KDM4C: variants seen among roughly 807,000 people sequenced by gnomAD.
The protein encoded by KDM4C is lysine demethylase 4C.
KDM4C carries 81 observed loss-of-function variants against 129.3 expected under a neutral mutation model. The observed-to-expected ratio is 0.63, with a 90% CI of 0.52 to 0.75. KDM4C has a LOEUF of 0.75. Among genes scored for constraint, KDM4C ranks in the 30% least tolerant of loss-of-function variants. The pLI is 0.00. For synonymous variants in KDM4C, 573 were observed against 456.1 expected (o/e 1.26, Z -3.26); for missense variants, 1,457 against 1,304.0 (o/e 1.12, Z -1.81).
Position 7,000,193 on chromosome 9 carries a change from G to C in KDM4C, c.1786+9669G>C, listed in dbSNP as rs1243205719. On this transcript the variant is annotated intron_variant, in intron 12 of 21. Transcript: ENST00000381309. The stretch of plus-strand genomic sequence containing the variant: ...TTATTTCTGTCAGTAAATTCCACTG[G>C]AAGTCCCAGTGGCGTTGATTTTTAC... Among the ~76,000 whole-genome samples, 14 of 152,108 alleles carry C rather than the reference G, an allele frequency of 9.2e-5. 1 individual carries two copies. The highest frequency in any genetic ancestry group is 9.2e-4 in the Admixed American group (14 of 15,276).
intron 15 of KDM4C, among the ~76,000 whole-genome samples, chr9:7,030,229 G>A (rs188248659): frequency 2.6e-3 from 396 of 152,174 alleles, no homozygotes; most frequent in Non-Finnish European, 3.0e-3. Flanking sequence ...CTTACTCATT[G>A]CATTTTTTAA....
rs555990256 is a variant in KDM4C, at chr9:7,172,088, C to T, written c.2994+2198C>T. On this transcript the variant is annotated intron_variant, in intron 21 of 21. Coordinates refer to ENST00000381309, the MANE Select transcript of KDM4C (RefSeq NM_015061.6). ...GTCCATGATTATTACTATTTTTTTTCCAGTTGGCAAAACAAATCTAATTGG... is the reference window on the plus strand; with the variant it reads ...GTCCATGATTATTACTATTTTTTTTTCAGTTGGCAAAACAAATCTAATTGG... 3.3e-5 allele frequency among the ~76,000 whole-genome samples: 5 copies of T among 151,192 alleles called. No individual in the cohort carries two copies. In the East Asian group the frequency reaches 9.7e-4, roughly 29 times the overall value.
At chr9:6,792,624 T>C (rs1353278541) in intron 1 of KDM4C, among the ~76,000 whole-genome samples, 1 of 152,106 alleles carries the variant, frequency 6.6e-6, no homozygotes, top group Non-Finnish European at 1.5e-5. Context: ...CCTGACCTTG[T>C]GATCTGCCCG....
chr9:7,099,837 A>G (rs1355843249), intron 17 of KDM4C, among the ~76,000 whole-genome samples: 1 of 152,216 alleles, frequency 6.6e-6, no homozygotes, highest in Admixed American at 6.5e-5. Flanking sequence ...AGTGCTCTCT[A>G]ACCTTCTTTC....
chr9:6,824,228 T>G (rs1386751256), intron 4 of KDM4C, among the ~76,000 whole-genome samples: 1 of 152,270 alleles, frequency 6.6e-6, no homozygotes, highest in Non-Finnish European at 1.5e-5. Context: ...TGGCTATTTC[T>G]TCTGCAGTAG....
At chr9:7,067,156 C>A (rs777445315) in intron 17 of KDM4C, among the ~76,000 whole-genome samples, 1 of 152,314 alleles carries the variant, frequency 6.6e-6, no homozygotes, top group Non-Finnish European at 1.5e-5. Flanking sequence ...TGGGCAATCA[C>A]CATTTAATTT....
chr9:6,980,451 G>C (rs535285704), intron 8 of KDM4C, among the ~76,000 whole-genome samples: 2 of 152,088 alleles, frequency 1.3e-5, no homozygotes, highest in Admixed American at 6.5e-5. Flanking sequence ...ATGAGAGTTC[G>C]TTAATAACCA....
intron 8 of KDM4C, among the ~76,000 whole-genome samples, chr9:6,949,441 C>T (rs1431092337): frequency 1.3e-5 from 2 of 152,276 alleles, no homozygotes; most frequent in East Asian, 1.9e-4. Context: ...GACGGGGTGG[C>T]GGCTGGGCAG....
Position 7,165,355 on chromosome 9 carries a change from C to G in KDM4C, c.2899C>G (p.Gln967Glu). The change falls in exon 20 of 22, where the codon CAG (glutamine) becomes GAG (glutamate). Residue 967 changes from glutamine (Q) to glutamate (E), a missense_variant and splice_region_variant. Physicochemically the swap from Gln to Glu is conservative, Grantham distance 29. Transcript: ENST00000381309. ...YFGSNIAHMY[Q>E]VEFEDGSQIA... ...TGGATCAAATATTGCCCACATGTAC[C>G]AGGTGGGTTCTTCCTTCTCTGTGAT... 1 of 1,613,722 alleles carries G rather than the reference C, an allele frequency of 6.2e-7. No individual in the cohort carries two copies. Among genetic ancestry groups the G allele is most frequent in the South Asian group, 1.1e-5 (1 of 90,998 alleles).
intron 1 of KDM4C, among the ~76,000 whole-genome samples, chr9:6,778,805 G>T (rs1823660565): frequency 1.5e-5 from 2 of 130,984 alleles, no homozygotes; most frequent in African/African-American, 6.1e-5. Context: ...TCTAGGTGGA[G>T]ATTTGGTGCC....
At chr9:7,116,442 A>G (rs77776169) in intron 18 of KDM4C, among the ~76,000 whole-genome samples, 4,797 of 103,702 alleles carry the variant, frequency 0.046, 147 homozygotes, top group East Asian at 0.25. Context: ...GGTGATCAAG[A>G]ACAGGAGGGC....
intron 17 of KDM4C, among the ~76,000 whole-genome samples, chr9:7,064,563 C>T (rs1190435828): frequency 6.6e-6 from 1 of 152,122 alleles, no homozygotes; most frequent in Non-Finnish European, 1.5e-5. Context: ...CAGAATAAAG[C>T]CAAGGTCCTG....
At chr9:6,949,549 C>A (rs896713391) in intron 8 of KDM4C, among the ~76,000 whole-genome samples, 16 of 152,310 alleles carry the variant, frequency 1.1e-4, no homozygotes, top group African/African-American at 3.1e-4. Flanking sequence ...AGCCTGGGCA[C>A]CATTGAGCAC....
At chr9:6,986,305 A>G (rs371036733) in intron 10 of KDM4C, 39 bp from the exon 11 acceptor site, 13 of 1,377,876 alleles carry the variant, frequency 9.4e-6, no homozygotes, top group South Asian at 1.3e-5. Flanking sequence ...GTAGTAATAC[A>G]GTGCATGATT....
chr9:7,119,057 G>C (rs1471941298), intron 18 of KDM4C, among the ~76,000 whole-genome samples: 1 of 152,110 alleles, frequency 6.6e-6, no homozygotes, highest in African/African-American at 2.4e-5. Flanking sequence ...TGATATTTAA[G>C]AATGCAGTGC....
intron 18 of KDM4C, among the ~76,000 whole-genome samples, chr9:7,117,119 C>T (rs117121192): frequency 3.1e-4 from 47 of 152,280 alleles, no homozygotes; most frequent in Non-Finnish European, 5.0e-4. Context: ...AGTTATAGAA[C>T]ATTCAGGTTG....
intron 4 of KDM4C, among the ~76,000 whole-genome samples, chr9:6,847,042 C>A (rs1174216818): frequency 1.3e-5 from 2 of 152,098 alleles, no homozygotes; most frequent in Admixed American, 6.5e-5. Flanking sequence ...CCCCTCATAC[C>A]ATGGGTCTAG....
intron 8 of KDM4C, among the ~76,000 whole-genome samples, chr9:6,966,719 C>CGG (rs1487828761): frequency 6.6e-6 from 1 of 151,994 alleles, no homozygotes; most frequent in Admixed American, 6.5e-5. Flanking sequence ...TCCAACCATC[C>CGG]AGTAGGGAAA....
chr9:6,922,606 A>G (rs1821735795), intron 8 of KDM4C, among the ~76,000 whole-genome samples: 1 of 152,194 alleles, frequency 6.6e-6, no homozygotes, highest in Non-Finnish European at 1.5e-5. Flanking sequence ...AATTAGTTGA[A>G]TGTGGTGGCC....
Sources: allele counts gnomAD v4.1 joint callset (sites outside exome capture counted in the v4.1 genomes callset), GRCh38; gene constraint gnomAD v4.1.1; transcripts MANE v1.5; gene names NCBI Gene and HGNC (gene_info 2026-07-23, HGNC 2026-07-21).